Variants in PHF20L1 observed in about 807,000 individuals in gnomAD.
PHF20L1 encodes the protein PHD finger protein 20 like 1, also known as PHD finger protein 20-like protein 1.
In PHF20L1, 44 loss-of-function variants were observed where a neutral mutation model predicts 125.5. The ratio of observed to expected loss-of-function variants is 0.35; its 90% CI spans 0.28 to 0.45. The LOEUF is 0.45. Ranked by LOEUF, PHF20L1 falls within the 20% of genes least tolerant of loss-of-function variation. PHF20L1 has a pLI of 1.00. For missense variants in PHF20L1, 1,012 were observed against 1,217.2 expected (o/e 0.83, Z 2.51); for synonymous variants, 380 against 403.1 (o/e 0.94, Z 0.69).
chr8:132,812,785 G>A (rs933480915), intron 9 of PHF20L1: 4 of 983,052 alleles, frequency 4.1e-6, no homozygotes, highest in African/African-American at 1.7e-5. Context: ...GGTATTGATT[G>A]TTACTAACCT....
chr8:132,816,580 C>T, intron 10 of PHF20L1: 1 of 226,840 alleles, frequency 4.4e-6, no homozygotes, highest in Non-Finnish European at 8.6e-6. Context: ...TGGCAATTTA[C>T]ACAACGATCT....
rs1179078190 is a variant in PHF20L1, at chr8:132,775,412, C to T, written c.-271C>T. On this transcript the variant is annotated 5_prime_UTR_variant, in exon 1 of 21. Coordinates refer to ENST00000395386, the MANE Select transcript of PHF20L1 (RefSeq NM_016018.5). ...CAGGGCTGGCCGGCGGCGGAGGCGG[C>T]GGCGGCGGCGGCGATGGCAGCGGAC... is the stretch of plus-strand genomic sequence containing the variant. The T allele has an allele frequency of 1.0e-5, 4 of 383,058 alleles. No homozygotes were observed. The highest frequency in any genetic ancestry group is 2.1e-5 in the African/African-American group (1 of 47,534). The allele number at this position is 383,058 out of a possible 1,614,324, so 23.7% of individuals were successfully genotyped here.
chr8:132,814,976 A>C, intron 10 of PHF20L1, 87 bp downstream of exon 10: 1 of 1,123,456 alleles, frequency 8.9e-7, no homozygotes, highest in Non-Finnish European at 1.2e-6. Flanking sequence ...ATTTTTATGA[A>C]GTTGCTTTTT....
chr8:132,823,146 AAGT>A (rs1400670602), intron 12 of PHF20L1, among the ~76,000 whole-genome samples: 3 of 151,966 alleles, frequency 2.0e-5, no homozygotes, highest in African/African-American at 7.2e-5. Flanking sequence ...TTTAATGTAT[AAGT>A]ATGTCTTTGT....
chr8:132,776,032 C>T (rs1829701342), intron 1 of PHF20L1, among the ~76,000 whole-genome samples: 1 of 152,186 alleles, frequency 6.6e-6, no homozygotes, highest in Non-Finnish European at 1.5e-5. Context: ...AACTTGTCAT[C>T]TCCGAAAACT....
chr8:132,802,631 T>G (rs1177111818), intron 6 of PHF20L1, among the ~76,000 whole-genome samples: 1 of 151,822 alleles, frequency 6.6e-6, no homozygotes, highest in Non-Finnish European at 1.5e-5. Flanking sequence ...AGAAAATTGT[T>G]GATTGAATGT....
At chr8:132,823,923 T>C in intron 12 of PHF20L1, 81 bp from the exon 13 acceptor site, 1 of 774,536 alleles carries the variant, frequency 1.3e-6, no homozygotes, top group Non-Finnish European at 2.1e-6. Flanking sequence ...TAGAGTTTTA[T>C]GAGCAATTGT....
chr8:132,842,778 A>G lies in PHF20L1; in HGVS notation c.2651A>G (p.Asp884Gly). The G allele has an allele frequency of 6.2e-7, 1 of 1,613,398 alleles. No individual in the cohort carries two copies. Among genetic ancestry groups the G allele is most frequent in the South Asian group, 1.1e-5 (1 of 91,050 alleles). ...KSLADPGSSD[D>G]DDVSSLEEEQ... Reference sequence around the variant, plus strand: ...CTCGCAGACCCTGGGAGCTCAGATGATGATGATGTTAGTAGTTTGGAAGAA... The same window carrying G: ...CTCGCAGACCCTGGGAGCTCAGATGGTGATGATGTTAGTAGTTTGGAAGAA... Residue 884 changes from aspartate (D) to glycine (G), a missense_variant, in exon 19 of 21, where the codon GAT becomes GGT. Asp to Gly is a moderately conservative substitution (Grantham distance 94). Around this residue, in one of 7 missense-constraint regions of PHF20L1, gnomAD observed 277 missense variants for 283.6 expected, o/e 0.98. Coordinates refer to ENST00000395386, the MANE Select transcript of PHF20L1 (RefSeq NM_016018.5).
chr8:132,803,911 T>G lies in PHF20L1; in HGVS notation c.600T>G (p.Asp200Glu), dbSNP rs752181465. The G allele has an allele frequency of 1.9e-6, 3 of 1,611,238 alleles. No homozygotes were observed. The highest frequency in any genetic ancestry group is 2.2e-5 in the South Asian group (2 of 90,968). Residue 200 changes from aspartate to glutamate, a missense_variant, in exon 7 of 21, where the codon GAT (aspartate) becomes GAG (glutamate). Around this residue, in one of 7 missense-constraint regions of PHF20L1, gnomAD observed 134 missense variants for 145.9 expected, o/e 0.92. Coordinates refer to ENST00000395386, the MANE Select transcript of PHF20L1 (RefSeq NM_016018.5). Reference protein sequence around the residue: ...KPRTSANSNKDKDKDERKWFK... With the variant: ...KPRTSANSNKEKDKDERKWFK... ...GAACCAGCGCTAACAGCAATAAAGA[T>G]AAGGATAAAGATGAGAGAAAGTGGT...
intron 1 of PHF20L1, among the ~76,000 whole-genome samples, chr8:132,777,558 T>A (rs1426617881): frequency 6.6e-6 from 1 of 152,214 alleles, no homozygotes; most frequent in Non-Finnish European, 1.5e-5. Flanking sequence ...TCTTTTTAGA[T>A]AGTTTTCTTT....
At position 132,808,871 on chromosome 8, in the gene PHF20L1, G is replaced by A. The variant is rs368091456; in HGVS notation, c.848-2175G>A. 5.0e-5 allele frequency: 7 copies of A among 138,676 alleles called. No individual in the cohort carries two copies. The East Asian group carries it at 1.3e-3, about 25-fold the overall frequency. 8.6% of individuals were successfully genotyped at this position (138,676 alleles called of 1,614,324 possible). On this transcript the variant is annotated intron_variant, in intron 8 of 20. Coordinates refer to ENST00000395386, the MANE Select transcript of PHF20L1 (RefSeq NM_016018.5). ...GGACAAACACCAGGGTTTTGTTGTT[G>A]TTTTTTACTTATTTTTTAATATAGA... is the stretch of plus-strand genomic sequence containing the variant.
chr8:132,845,930 T>G lies in PHF20L1; in HGVS notation c.*7T>G, dbSNP rs780453534. 5.0e-6 allele frequency: 8 copies of G among 1,606,414 alleles called. 1 individual carries two copies. In the South Asian group the frequency reaches 7.7e-5, roughly 16 times the overall value. On this transcript the variant is annotated 3_prime_UTR_variant, in exon 21 of 21. Transcript: ENST00000395386. ...AACTCTTTGCTCTGTATGACAACAGTGAACACTTAATGAAAGAATGTGGCT... is the reference window on the plus strand; with the variant it reads ...AACTCTTTGCTCTGTATGACAACAGGGAACACTTAATGAAAGAATGTGGCT...
At position 132,848,098 on chromosome 8, in the gene PHF20L1, C is replaced by G. The variant is rs1838544026; in HGVS notation, c.*2175C>G. 6.6e-6 allele frequency: 1 copy of G among 152,010 alleles called. No homozygotes were observed. The highest frequency in any genetic ancestry group is 2.4e-5 in the African/African-American group (1 of 41,416). The allele number at this position is 152,010 out of a possible 1,614,324, so 9.4% of individuals were successfully genotyped here. On this transcript the variant is annotated 3_prime_UTR_variant, in exon 21 of 21. Transcript: ENST00000395386. The stretch of plus-strand genomic sequence containing the variant: ...ACCCTTTGTACCTAGTAACATTCAT[C>G]CTCTTGATTCCTGGTGAACACGGTT...
chr8:132,791,846 G>A (rs1349357277), intron 2 of PHF20L1, among the ~76,000 whole-genome samples: 1 of 152,114 alleles, frequency 6.6e-6, no homozygotes, highest in Non-Finnish European at 1.5e-5. Flanking sequence ...CCCTAAAGAG[G>A]ATCCCCAAAA....
chr8:132,817,995 C>T (rs1835164733), intron 12 of PHF20L1: 1 of 152,274 alleles, frequency 6.6e-6, no homozygotes, highest in African/African-American at 2.4e-5. Context: ...GGGGCAGAAT[C>T]CTCCAAATTG....
chr8:132,827,415 T>C (rs902750904), intron 14 of PHF20L1, among the ~76,000 whole-genome samples: 1 of 152,068 alleles, frequency 6.6e-6, no homozygotes, highest in African/African-American at 2.4e-5. Flanking sequence ...GAGACCTGCA[T>C]TGTCAGTGCA....
chr8:132,788,095 A>T (rs184971225), intron 2 of PHF20L1, among the ~76,000 whole-genome samples: 5 of 152,240 alleles, frequency 3.3e-5, no homozygotes, highest in African/African-American at 1.2e-4. Context: ...GGTGTATTTC[A>T]TACATACTAT....
intron 2 of PHF20L1, among the ~76,000 whole-genome samples, chr8:132,780,062 C>T (rs956935940): frequency 4.1e-5 from 6 of 145,668 alleles, no homozygotes; most frequent in Non-Finnish European, 5.9e-5. Context: ...GATTTTGGCA[C>T]TCTGTTTCAG....
chr8:132,825,478 T>G, intron 14 of PHF20L1, 107 bp downstream of exon 14: 1 of 840,734 alleles, frequency 1.2e-6, no homozygotes, highest in Non-Finnish European at 1.7e-6. Context: ...CCGTGTCCCG[T>G]GTTGAGAACT....
Sources: allele counts gnomAD v4.1 joint callset (sites outside exome capture counted in the v4.1 genomes callset), GRCh38; gene constraint gnomAD v4.1.1; regional missense constraint gnomAD v4.1.1; transcripts MANE v1.5; gene names NCBI Gene and HGNC (gene_info 2026-07-23, HGNC 2026-07-21).